The following MOSMO variants were observed in gnomAD, a reference collection of about 807,000 sequenced individuals.
MOSMO encodes modulator of smoothened.
MOSMO carries 5 observed loss-of-function variants against 18.4 expected under a neutral mutation model. That is an observed-to-expected ratio of 0.27 (90% CI 0.14 to 0.57). The LOEUF (loss-of-function observed/expected upper bound fraction) is 0.57, where lower values mean the gene tolerates loss of function less well. Among genes scored for constraint, MOSMO ranks in the 20% least tolerant of loss-of-function variants. The pLI, the probability that MOSMO is intolerant of heterozygous loss-of-function variation, is 0.92. For missense variants in MOSMO, 138 were observed against 211.8 expected (o/e 0.65, Z 2.16); for synonymous variants, 82 against 82.3 (o/e 1.00, Z 0.02).
intron 1 of MOSMO, 48 bp downstream of exon 1, chr16:22,008,455 C>A: frequency 1.5e-6 from 2 of 1,347,954 alleles, no homozygotes; most frequent in South Asian, 1.3e-5. Flanking sequence ...CTGAGGGCGA[C>A]GCGAGAGAGG....
intron 2 of MOSMO, among the ~76,000 whole-genome samples, chr16:22,078,476 T>A (rs1333240974): frequency 6.6e-6 from 1 of 152,188 alleles, no homozygotes; most frequent in African/African-American, 2.4e-5. Flanking sequence ...TGGAAAATAT[T>A]TAACTCTTGA....
At chr16:22,071,564 G>T (rs1188465380) in intron 1 of MOSMO, among the ~76,000 whole-genome samples, 3 of 152,188 alleles carry the variant, frequency 2.0e-5, no homozygotes, top group Admixed American at 6.5e-5. Context: ...ATTTACAGAT[G>T]ATGAGCGTCG....
chr16:22,075,416 G>A, intron 1 of MOSMO, 71 bp from the exon 2 acceptor site: 2 of 1,015,388 alleles, frequency 2.0e-6, no homozygotes, highest in South Asian at 1.7e-5. Context: ...GAACTAAAGG[G>A]GTGGTGGTGA....
rs1330749236 is a variant in MOSMO at position 22,084,605 on chromosome 16, G to T, written c.*3725G>T. ...CATAATTTTCCTCACTTGTATTTTTGTTATTGAGCAAGTTTATCAAAATAA... is the reference window on the plus strand; with the variant it reads ...CATAATTTTCCTCACTTGTATTTTTTTTATTGAGCAAGTTTATCAAAATAA... On this transcript the variant is annotated 3_prime_UTR_variant, in exon 3 of 3. Coordinates refer to ENST00000542527, the MANE Select transcript of MOSMO (RefSeq NM_001164579.2). 2 of 152,028 alleles carry T rather than the reference G, an allele frequency of 1.3e-5. No individual in the cohort carries two copies. Among genetic ancestry groups the T allele is most frequent in the Non-Finnish European group, 2.9e-5 (2 of 67,992 alleles). The allele number at this position is 152,028 out of a possible 1,614,324, so 9.4% of individuals were successfully genotyped here.
At chr16:22,021,127 G>A (rs547974747) in intron 1 of MOSMO, among the ~76,000 whole-genome samples, 6 of 152,342 alleles carry the variant, frequency 3.9e-5, no homozygotes, top group African/African-American at 1.4e-4. Context: ...GAAGCAAGAT[G>A]AAATGGAAGA....
At position 22,019,505 on chromosome 16, in the gene MOSMO, T is replaced by G. The variant is rs144177078; in HGVS notation, c.106+11098T>G. Among the ~76,000 whole-genome samples the G allele has an allele frequency of 6.3e-4, 96 of 152,314 alleles. 1 individual carries two copies. The highest frequency in any genetic ancestry group is 2.2e-3 in the African/African-American group (90 of 41,588). On this transcript the variant is annotated intron_variant, in intron 1 of 2. Coordinates refer to ENST00000542527, the MANE Select transcript of MOSMO (RefSeq NM_001164579.2). The stretch of plus-strand genomic sequence containing the variant: ...AGCATATCTGTGTCATGGTTATTTG[T>G]GTGGTACTTGCCCTATTTTCTAGTA...
chr16:22,072,672 C>T lies in MOSMO; in HGVS notation c.107-2815C>T, dbSNP rs527786912. On this transcript the variant is annotated intron_variant, in intron 1 of 2. Coordinates refer to ENST00000542527, the MANE Select transcript of MOSMO (RefSeq NM_001164579.2). The stretch of plus-strand genomic sequence containing the variant: ...TAAAAATACAAAAAAATTAGCCGGG[C>T]GTAGTCGTGGGCGCCTGTCGTCCCA... Among the ~76,000 whole-genome samples the T allele has an allele frequency of 3.9e-5, 6 of 152,078 alleles. No homozygotes were observed. The East Asian group carries it at 5.8e-4, about 15-fold the overall frequency.
intron 1 of MOSMO, among the ~76,000 whole-genome samples, chr16:22,026,723 A>G (rs942601733): frequency 8.5e-5 from 13 of 152,228 alleles, no homozygotes; most frequent in Non-Finnish European, 1.6e-4. Flanking sequence ...AAAAATAGCA[A>G]TAAAACTAGG....
chr16:22,029,757 C>T (rs1236658649), intron 1 of MOSMO, among the ~76,000 whole-genome samples: 1 of 152,148 alleles, frequency 6.6e-6, no homozygotes, highest in Non-Finnish European at 1.5e-5. Flanking sequence ...TCTCCCATAG[C>T]TGGGACTACA....
downstream of MOSMO, chr16:22,089,956 A>G (rs1901264753): frequency 6.6e-6 from 1 of 152,012 alleles, no homozygotes; most frequent in African/African-American, 2.4e-5. Flanking sequence ...ATGTTTGCCT[A>G]ATACCATGGT....
intron 1 of MOSMO, among the ~76,000 whole-genome samples, chr16:22,020,476 G>C (rs1209142439): frequency 6.6e-6 from 1 of 151,594 alleles, no homozygotes; most frequent in Non-Finnish European, 1.5e-5. Context: ...TGTATTTTTA[G>C]TAGAGACAGG....
At chr16:22,012,660 G>A (rs1343395846) in intron 1 of MOSMO, among the ~76,000 whole-genome samples, 1 of 148,620 alleles carries the variant, frequency 6.7e-6, no homozygotes, top group Non-Finnish European at 1.5e-5. Flanking sequence ...TGTCACTTCC[G>A]TGCTGTTCTT....
chr16:22,075,614 A>G lies in MOSMO; in HGVS notation c.234A>G (p.Ser78=). 1 of 1,537,334 alleles carries G rather than the reference A, an allele frequency of 6.5e-7. No homozygotes were observed. The highest frequency in any genetic ancestry group is 1.2e-5 in the South Asian group (1 of 84,068). The change falls in exon 2 of 3, where the codon TCA becomes TCG. Residue 78 remains serine (S), a synonymous_variant. Coordinates refer to ENST00000542527, the MANE Select transcript of MOSMO (RefSeq NM_001164579.2). ...TLFFIIMGII[S]LTVTCGLLVA... ...TTTTTATCATCATGGGAATCATTTCATTGACTGTCACATGTGGTTTGCTGG... is the reference window on the plus strand; with the variant it reads ...TTTTTATCATCATGGGAATCATTTCGTTGACTGTCACATGTGGTTTGCTGG...
intron 1 of MOSMO, among the ~76,000 whole-genome samples, chr16:22,037,501 T>C (rs970310674): frequency 1.1e-4 from 17 of 152,260 alleles, no homozygotes; most frequent in African/African-American, 4.1e-4. Flanking sequence ...GTAATTCAAC[T>C]CAGTTCTGTT....
At position 22,083,698 on chromosome 16, in the gene MOSMO, C is replaced by T; in HGVS notation, c.*2818C>T. On this transcript the variant is annotated 3_prime_UTR_variant, in exon 3 of 3. Transcript: ENST00000542527. ...TAGAGTGTGTGCATTCTTCTCATAC[C>T]TAAGAATATCACTGTAAAATCTGCT... 1 of 452,480 alleles carries T rather than the reference C, an allele frequency of 2.2e-6. No homozygotes were observed. The highest frequency in any genetic ancestry group is 4.4e-6 in the Non-Finnish European group (1 of 225,928). The allele number at this position is 452,480 out of a possible 1,614,324, so 28.0% of individuals were successfully genotyped here. A position where few individuals can be genotyped will look rare whatever the true frequency, so the allele number is the denominator to read the frequency against.
chr16:22,075,638 G>A lies in MOSMO; in HGVS notation c.258G>A (p.Leu86=). 2 of 1,537,368 alleles carry A rather than the reference G, an allele frequency of 1.3e-6. No individual in the cohort carries two copies. The highest frequency in any genetic ancestry group is 1.7e-6 in the Non-Finnish European group (2 of 1,146,930). ...CATTGACTGTCACATGTGGTTTGCT[G>A]GTGGCTTCCCACTGGCGAAGAGAAG... The part of the protein sequence containing the change: ...IISLTVTCGL[L]VASHWRREAT... Residue 86 remains leucine, a synonymous_variant, in exon 2 of 3, where the codon CTG becomes CTA. Transcript: ENST00000542527.
At chr16:22,059,721 A>G (rs1900605148) in intron 1 of MOSMO, among the ~76,000 whole-genome samples, 1 of 152,132 alleles carries the variant, frequency 6.6e-6, no homozygotes. Flanking sequence ...CATGGGGGAA[A>G]TCACCCCCAT....
intron 1 of MOSMO, among the ~76,000 whole-genome samples, chr16:22,023,630 A>G (rs1045207616): frequency 3.3e-5 from 5 of 151,868 alleles, no homozygotes; most frequent in African/African-American, 9.7e-5. Context: ...CCTCTCTAGG[A>G]GCCTCTTGTG....
At chr16:22,070,103 T>A (rs1186082949) in intron 1 of MOSMO, among the ~76,000 whole-genome samples, 1 of 152,096 alleles carries the variant, frequency 6.6e-6, no homozygotes, top group Non-Finnish European at 1.5e-5. Context: ...TACTTTTTTC[T>A]GAGAAATAAT....
Sources: gnomAD v4.1 joint callset for allele counts (sites outside exome capture counted in the v4.1 genomes callset) on GRCh38, gnomAD v4.1.1 for gene constraint, MANE v1.5 for transcripts, NCBI Gene and HGNC (gene_info 2026-07-23, HGNC 2026-07-21) for gene names.